The following NBPF15 variants were observed in gnomAD, a reference collection of about 807,000 sequenced individuals.
The protein encoded by NBPF15 is NBPF member 15, also known as NBPF family member NBPF15.
A neutral mutation model predicts 62.2 loss-of-function variants in NBPF15; 74 were observed. The observed-to-expected ratio is 1.19, with a 90% confidence interval of 0.99 to 1.44. NBPF15 has a LOEUF of 1.44. Ranked by LOEUF, NBPF15 falls within the 40% of genes most tolerant of loss-of-function variation. The pLI, the probability that NBPF15 is intolerant of heterozygous loss-of-function variation, is 0.00. For synonymous variants in NBPF15, 244 were observed against 209.7 expected (o/e 1.16, Z -1.41); for missense variants, 790 against 550.0 (o/e 1.44, Z -4.36).
intron 13 of NBPF15, among the ~76,000 whole-genome samples, chr1:144,432,301 A>G: frequency 6.6e-6 from 1 of 151,654 alleles, no homozygotes; most frequent in East Asian, 1.9e-4. Flanking sequence ...AAGAGCTCCT[A>G]AAGTAAGCAC....
chr1:144,432,861 C>A (rs1271949517), intron 13 of NBPF15, among the ~76,000 whole-genome samples: 3 of 151,912 alleles, frequency 2.0e-5, no homozygotes, highest in East Asian at 1.9e-4. Flanking sequence ...TAATGGGAGA[C>A]TTTAACACCC....
intron 6 of NBPF15, among the ~76,000 whole-genome samples, chr1:144,448,033 C>A (rs1688810931): frequency 6.6e-6 from 1 of 152,060 alleles, no homozygotes; most frequent in Non-Finnish European, 1.5e-5. Context: ...TGCTTTGCTT[C>A]TGCAAGACGC....
chr1:144,442,644 G>A lies in NBPF15; in HGVS notation c.-190-2349C>T, dbSNP rs1327467338. 739 of 154,250 alleles carry A rather than the reference G, an allele frequency of 4.8e-3. 12 individuals carry two copies. Among genetic ancestry groups the A allele is most frequent in the Non-Finnish European group, 7.0e-3 (482 of 68,438 alleles). 9.6% of individuals were successfully genotyped at this position (154,250 alleles called of 1,614,324 possible). On this transcript the variant is annotated intron_variant, in intron 6 of 21. Coordinates refer to ENST00000581897, the MANE Select transcript of NBPF15 (RefSeq NM_001385408.1). ...TGGCGGACGGGACCTGTTAGGACAC[G>A]GCCATTGTTGGCAACAAGGACCCAC...
chr1:144,445,657 A>T (rs1427052601), intron 6 of NBPF15, among the ~76,000 whole-genome samples: 8 of 151,214 alleles, frequency 5.3e-5, no homozygotes, highest in Admixed American at 4.6e-4. Flanking sequence ...TTTCTACCAA[A>T]ATGCCGCTTG....
chr1:144,442,344 A>G (rs1318535928), intron 6 of NBPF15, among the ~76,000 whole-genome samples: 2 of 133,426 alleles, frequency 1.5e-5, no homozygotes, highest in Non-Finnish European at 3.1e-5. Context: ...TGTGCCATGT[A>G]TATATATATA....
chr1:144,441,946 G>A (rs1365240341), intron 6 of NBPF15, among the ~76,000 whole-genome samples: 1 of 148,674 alleles, frequency 6.7e-6, no homozygotes. Context: ...TCACTCATGG[G>A]TGGGAACTGA....
rs1681754427 is a variant in NBPF15, at chr1:144,440,211, C to T, written c.-106G>A. 2 of 1,522,384 alleles carry T rather than the reference C, an allele frequency of 1.3e-6. No homozygotes were observed. Among genetic ancestry groups the T allele is most frequent in the African/African-American group, 1.4e-5 (1 of 72,906 alleles). 94.3% of individuals were successfully genotyped at this position (1,522,384 alleles called of 1,614,324 possible). A position where few individuals can be genotyped will look rare whatever the true frequency, so the allele number is the denominator to read the frequency against. ...CACCACAAAAACAAGGTTCGAGGTG[C>T]CTCAACTCAGAGCTGAAAGCACTGT... On this transcript the variant is annotated 5_prime_UTR_variant, in exon 7 of 22. Coordinates refer to ENST00000581897, the MANE Select transcript of NBPF15 (RefSeq NM_001385408.1).
At chr1:144,455,575 C>T (rs11805772) in intron 4 of NBPF15, among the ~76,000 whole-genome samples, 2,323 of 152,038 alleles carry the variant, frequency 0.015, 67 homozygotes, top group African/African-American at 0.053. Context: ...AACACCAGGC[C>T]GCAACCTTCC....
chr1:144,426,681 C>G (rs1252010607), intron 17 of NBPF15, among the ~76,000 whole-genome samples: 1 of 151,240 alleles, frequency 6.6e-6, no homozygotes, highest in South Asian at 2.1e-4. Flanking sequence ...GTGAGCTCAG[C>G]GAATTGGCCG....
chr1:144,427,314 T>C (rs1255134170), intron 16 of NBPF15, among the ~76,000 whole-genome samples: 1 of 127,858 alleles, frequency 7.8e-6, no homozygotes, highest in Non-Finnish European at 1.6e-5. Flanking sequence ...TTCTGGTAGA[T>C]CGTTATCCCA....
At chr1:144,424,119 A>G (rs1320246790) in intron 20 of NBPF15, 144 bp from the exon 21 acceptor site, 1 of 732,594 alleles carries the variant, frequency 1.4e-6, no homozygotes, top group Non-Finnish European at 2.5e-6. Context: ...AGGAGGTCTG[A>G]AGGCTGGTCA....
intron 21 of NBPF15, 82 bp from the exon 22 acceptor site, chr1:144,423,338 A>G: frequency 6.2e-7 from 1 of 1,610,042 alleles, no homozygotes; most frequent in Non-Finnish European, 8.5e-7. Flanking sequence ...AAGTAATATA[A>G]GGAAGTGGTT....
Position 144,426,468 on chromosome 1 carries a change from A to T in NBPF15, c.1266-18T>A, listed in dbSNP as rs782122310. ...TGCTGAGCCTGGAAAAGTAGGAAAA[A>T]GTAAAGAATAAGCCAGGGAGAATCA... On this transcript the variant is annotated intron_variant, in intron 17 of 21. Coordinates refer to ENST00000581897, the MANE Select transcript of NBPF15 (RefSeq NM_001385408.1). 2.5e-6 allele frequency: 2 copies of T among 814,298 alleles called. No homozygotes were observed. The highest frequency in any genetic ancestry group is 1.3e-5 in the South Asian group (1 of 74,786). 50.4% of individuals were successfully genotyped at this position (814,298 alleles called of 1,614,324 possible).
At chr1:144,432,835 AGACTCCACACAATCATAATGG>A (rs1675471734) in intron 13 of NBPF15, among the ~76,000 whole-genome samples, 1 of 152,044 alleles carries the variant, frequency 6.6e-6, no homozygotes, top group African/African-American at 2.4e-5. Flanking sequence ...AAAGAGATTT[AGACTCCACACAATCATAATGG>A]GAGACTTTAA....
At chr1:144,460,025 A>ATTTT (rs1651431949) in intron 2 of NBPF15, among the ~76,000 whole-genome samples, 2 of 33,000 alleles carry the variant, frequency 6.1e-5, no homozygotes, top group African/African-American at 1.3e-4. Context: ...CATTACCTGT[A>ATTTT]CTTTTTTTTT....
intron 21 of NBPF15, among the ~76,000 whole-genome samples, 161 bp from the exon 22 acceptor site, chr1:144,423,417 G>C (rs1667179339): frequency 6.6e-6 from 1 of 151,778 alleles, no homozygotes; most frequent in Non-Finnish European, 1.5e-5. Flanking sequence ...TGTTGGGATA[G>C]AACAGGGCCA....
In NBPF15 at chr1:144,423,072, T is replaced by C. The variant is rs782668362; in HGVS notation, c.1954A>G (p.Thr652Ala). 2 of 1,611,562 alleles carry C rather than the reference T, an allele frequency of 1.2e-6. No individual in the cohort carries two copies. Among genetic ancestry groups the C allele is most frequent in the Non-Finnish European group, 8.5e-7 (1 of 1,179,602 alleles). The part of the protein sequence containing the change: ...FALYVDNRFF[T>A]LTVTSLHLVF... ...AGGTGGAGACTTGTCACCGTCAAAG[T>C]AAAAAACCTATTGTCCACGTAAAGG... The change falls in exon 22 of 22, where the codon ACT (threonine) becomes GCT (alanine). Residue 652 changes from threonine to alanine, a missense_variant. By Grantham distance (58) the Thr-to-Ala change is moderately conservative. Coordinates refer to ENST00000581897, the MANE Select transcript of NBPF15 (RefSeq NM_001385408.1).
intron 8 of NBPF15, among the ~76,000 whole-genome samples, chr1:144,439,143 C>T (rs1487981311): frequency 2.0e-5 from 3 of 151,750 alleles, no homozygotes; most frequent in Admixed American, 1.3e-4. Flanking sequence ...GCCACCACGC[C>T]CATCTACTTT....
At chr1:144,448,001 C>A (rs587736887) in intron 6 of NBPF15, among the ~76,000 whole-genome samples, 3 of 152,196 alleles carry the variant, frequency 2.0e-5, no homozygotes, top group African/African-American at 7.2e-5. Context: ...TTTGTCCAGA[C>A]AGAGCCCACA....
Sources: allele counts gnomAD v4.1 joint callset (sites outside exome capture counted in the v4.1 genomes callset), GRCh38; gene constraint gnomAD v4.1.1; transcripts MANE v1.5; gene names NCBI Gene and HGNC (gene_info 2026-07-23, HGNC 2026-07-21).